Variants in EARS2 observed in about 807,000 individuals in gnomAD.
EARS2 encodes the protein glutamyl-tRNA synthetase 2, mitochondrial.
In EARS2, 50 loss-of-function variants were observed where a neutral mutation model predicts 54.1. The ratio of observed to expected loss-of-function variants is 0.92; its 90% CI spans 0.74 to 1.17. The LOEUF (loss-of-function observed/expected upper bound fraction) is 1.17, where lower values mean the gene tolerates loss of function less well. EARS2 is among the 50% of genes most tolerant of loss of function. The pLI is 0.00. For missense variants in EARS2, 673 were observed against 675.0 expected (o/e 1.00, Z 0.03); for synonymous variants, 298 against 281.0 (o/e 1.06, Z -0.61).
At chr16:23,550,430 A>G (rs1189647913) in intron 2 of EARS2, among the ~76,000 whole-genome samples, 2 of 128,244 alleles carry the variant, frequency 1.6e-5, no homozygotes, top group Non-Finnish European at 3.2e-5. Flanking sequence ...CACTAAGCAC[A>G]TGGTCTTTTT....
At chr16:23,556,008 T>G (rs1939245357) in intron 1 of EARS2, among the ~76,000 whole-genome samples, 1 of 152,256 alleles carries the variant, frequency 6.6e-6, no homozygotes, top group Non-Finnish European at 1.5e-5. Flanking sequence ...TTATATTAAT[T>G]TTGTGCAAAT....
At chr16:23,537,065 T>G in intron 3 of EARS2, 1 of 248,514 alleles carries the variant, frequency 4.0e-6, no homozygotes, top group South Asian at 4.5e-5. Context: ...GCATTATGTC[T>G]GAATCAAAGG....
rs767857970 is a variant in EARS2, at chr16:23,544,580, CAG to C, written c.417_418del (p.Cys140PhefsTer24). 31 of 1,614,086 alleles carry C rather than the reference CAG, an allele frequency of 1.9e-5. No homozygotes were observed. In the East Asian group the frequency reaches 2.9e-4, roughly 15 times the overall value. On this transcript the variant is annotated frameshift_variant, in exon 3 of 9. Coordinates refer to ENST00000449606, the MANE Select transcript of EARS2 (RefSeq NM_001083614.2). LOFTEE classifies it high-confidence loss of function. ...CTCCAGCCGCTGGGGTGAGCAGAAA[CAG>C]GGGTAAGCAGCTCCGGTCTTCAGCA... is the stretch of plus-strand genomic sequence containing the variant.
intron 1 of EARS2, among the ~76,000 whole-genome samples, chr16:23,555,887 C>G (rs1965770547): frequency 6.6e-6 from 1 of 152,176 alleles, no homozygotes; most frequent in Non-Finnish European, 1.5e-5. Context: ...GCCATATTGG[C>G]CAGGCGAAAC....
intron 7 of EARS2, among the ~76,000 whole-genome samples, chr16:23,529,136 TATTACTGTTACAGTAAGA>T (rs1567378906): frequency 6.6e-6 from 1 of 152,230 alleles, no homozygotes; most frequent in African/African-American, 2.4e-5. Flanking sequence ...AATTGAAAGT[TATTACTGTTACAGTAAGA>T]ATTAGCATCA....
rs1435309870 is a variant in EARS2 at position 23,524,286 on chromosome 16, C to G, written c.*85G>C. 1 of 1,184,348 alleles carries G rather than the reference C, an allele frequency of 8.4e-7. No individual in the cohort carries two copies. Among genetic ancestry groups the G allele is most frequent in the African/African-American group, 1.5e-5 (1 of 66,250 alleles). 73.4% of individuals were successfully genotyped at this position (1,184,348 alleles called of 1,614,324 possible). A position where few individuals can be genotyped will look rare whatever the true frequency, so the allele number is the denominator to read the frequency against. On this transcript the variant is annotated 3_prime_UTR_variant, in exon 9 of 9. Coordinates refer to ENST00000449606, the MANE Select transcript of EARS2 (RefSeq NM_001083614.2). ...TTCCTTCAGCAAACTTCCCGACGGG[C>G]CCCAGGCCTCCTTCTGGTCTCTGAA...
intron 7 of EARS2, among the ~76,000 whole-genome samples, chr16:23,527,218 ACC>A (rs1965244254): frequency 6.6e-6 from 1 of 151,606 alleles, no homozygotes; most frequent in East Asian, 1.9e-4. Flanking sequence ...CTCCCCATTC[ACC>A]CTCCCAGAAT....
intron 4 of EARS2, among the ~76,000 whole-genome samples, chr16:23,533,693 T>A (rs1965363979): frequency 6.6e-6 from 1 of 152,124 alleles, no homozygotes; most frequent in Admixed American, 6.6e-5. Context: ...AGACTCTGAG[T>A]CAACTGGGTT....
intron 2 of EARS2, among the ~76,000 whole-genome samples, chr16:23,549,980 C>T (rs759462294): frequency 2.0e-5 from 3 of 152,192 alleles, no homozygotes; most frequent in Non-Finnish European, 4.4e-5. Context: ...GAAAACTGCC[C>T]TATCTACAAG....
At chr16:23,556,930 G>A (rs1036210805) in intron 1 of EARS2, 1 of 665,322 alleles carries the variant, frequency 1.5e-6, no homozygotes, top group African/African-American at 1.8e-5. Context: ...TACAACACCT[G>A]TTACACAGGT....
Position 23,525,392 on chromosome 16 carries a change from G to A in EARS2, c.1353-13C>T. On this transcript the variant is annotated splice_polypyrimidine_tract_variant and intron_variant, in intron 7 of 8. Transcript: ENST00000449606. ...TCTTTCTAGAAGCCTAGAAGAAGAGGGCCAGTTTACAGGGCCTGCATGGGC... is the reference window on the plus strand; with the variant it reads ...TCTTTCTAGAAGCCTAGAAGAAGAGAGCCAGTTTACAGGGCCTGCATGGGC... The A allele has an allele frequency of 6.2e-7, 1 of 1,609,454 alleles. No individual in the cohort carries two copies. The highest frequency in any genetic ancestry group is 8.5e-7 in the Non-Finnish European group (1 of 1,177,752).
At position 23,521,266 on chromosome 16, in the gene EARS2, A is replaced by G. The variant is rs1227651291; in HGVS notation, c.*3105T>C. ...TTGCAAAACTGAAACTCTATACCCT[A>G]AACAGTAACTTCCCATTTCTGCCTC... is the stretch of plus-strand genomic sequence containing the variant. On this transcript the variant is annotated 3_prime_UTR_variant, in exon 9 of 9. Transcript: ENST00000449606. 6.6e-6 allele frequency among the ~76,000 whole-genome samples: 1 copy of G among 152,142 alleles called. No individual in the cohort carries two copies. Among genetic ancestry groups the G allele is most frequent in the African/African-American group, 2.4e-5 (1 of 41,438 alleles).
intron 1 of EARS2, among the ~76,000 whole-genome samples, chr16:23,552,845 C>T (rs1011747741): frequency 2.0e-5 from 3 of 152,120 alleles, no homozygotes; most frequent in African/African-American, 4.8e-5. Context: ...AGGCTGATCT[C>T]GAACTCCTGA....
chr16:23,532,317 C>T (rs1965340102), intron 5 of EARS2, among the ~76,000 whole-genome samples: 1 of 152,088 alleles, frequency 6.6e-6, no homozygotes, highest in Non-Finnish European at 1.5e-5. Flanking sequence ...CCTCTCCAGG[C>T]TTTGGTTGTT....
At position 23,552,173 on chromosome 16, in the gene EARS2, T is replaced by C. The variant is rs1343268088; in HGVS notation, c.271A>G (p.Ile91Val). The change falls in exon 2 of 9, where the codon ATT becomes GTT. Residue 91 changes from isoleucine to valine, a missense_variant. Physicochemically the swap from Ile to Val is conservative, Grantham distance 29. Transcript: ENST00000449606. ...CCTGCCCACTCCAGCATGTCCTCAA[T>C]ATTCTCCGCTGCCCCAGGCACAACG... ...TRVVPGAAEN[I>V]EDMLEWAGIP... is the part of the protein sequence containing the mutation. 1 of 1,614,040 alleles carries C rather than the reference T, an allele frequency of 6.2e-7. No individual in the cohort carries two copies. The highest frequency in any genetic ancestry group is 2.2e-5 in the East Asian group (1 of 44,874).
In EARS2 at chr16:23,523,990, GTT is replaced by G. The variant is rs2142157688; in HGVS notation, c.*379_*380del. The G allele has an allele frequency of 6.7e-5, 1 of 14,906 alleles. No homozygotes were observed. The highest frequency in any genetic ancestry group is 1.4e-3 in the East Asian group (1 of 710). The allele number at this position is 14,906 out of a possible 1,614,324, so 0.9% of individuals were successfully genotyped here. A position where few individuals can be genotyped will look rare whatever the true frequency, so the allele number is the denominator to read the frequency against. On this transcript the variant is annotated 3_prime_UTR_variant, in exon 9 of 9. Coordinates refer to ENST00000449606, the MANE Select transcript of EARS2 (RefSeq NM_001083614.2). ...TCCAAATGTGAGAAAATAAATCTCT[GTT>G]GTTTAAACCACCTGGTTCTGTGGCA...
intron 1 of EARS2, among the ~76,000 whole-genome samples, chr16:23,553,880 G>C (rs1327702545): frequency 6.6e-6 from 1 of 150,736 alleles, no homozygotes; most frequent in Non-Finnish European, 1.5e-5. Flanking sequence ...TGGGCGACAG[G>C]GCGAGACTCC....
intron 2 of EARS2, chr16:23,550,851 C>T (rs1321124265): frequency 6.6e-6 from 1 of 152,016 alleles, no homozygotes; most frequent in African/African-American, 2.4e-5. Flanking sequence ...AATCTCTAGA[C>T]TAGCAGAGTC....
chr16:23,552,817 G>A (rs1597028153), intron 1 of EARS2, among the ~76,000 whole-genome samples: 1 of 152,324 alleles, frequency 6.6e-6, no homozygotes, highest in African/African-American at 2.4e-5. Flanking sequence ...GTAAAGATAG[G>A]ATTTTGCCAT....
Sources: allele counts gnomAD v4.1 joint callset (sites outside exome capture counted in the v4.1 genomes callset), GRCh38; gene constraint gnomAD v4.1.1; transcripts MANE v1.5; gene names NCBI Gene and HGNC (gene_info 2026-07-23, HGNC 2026-07-21).